The following CNGB1 variants were observed in gnomAD, a reference collection of about 807,000 sequenced individuals.
The protein encoded by CNGB1 is cyclic nucleotide gated channel subunit beta 1, also known as cyclic nucleotide-gated channel beta-1.
In CNGB1, 126 loss-of-function variants were observed where a neutral mutation model predicts 151.7. The observed-to-expected ratio is 0.83, with a 90% CI of 0.72 to 0.96. CNGB1 has a LOEUF of 0.96. Ranked by LOEUF, CNGB1 falls within the 40% of genes least tolerant of loss-of-function variation. The pLI is 0.00. For synonymous variants in CNGB1, 623 were observed against 635.1 expected, an observed-to-expected ratio of 0.98 and a Z score of 0.29; for missense variants, 1,698 against 1,627.0, an observed-to-expected ratio of 1.04 and a Z score of -0.75.
chr16:57,956,172 C>T (rs1368840474), intron 12 of CNGB1, among the ~76,000 whole-genome samples: 3 of 152,300 alleles, frequency 2.0e-5, no homozygotes, highest in Non-Finnish European at 4.4e-5. Context: ...CCCAAGGAAA[C>T]GTTTTTAGTT....
intron 9 of CNGB1, 124 bp from the exon 10 acceptor site, chr16:57,960,189 C>G (rs1168462299): frequency 2.0e-6 from 3 of 1,478,668 alleles, no homozygotes; most frequent in Non-Finnish European, 2.7e-6. Context: ...TTGGGACCAC[C>G]TCACCCATCC....
intron 12 of CNGB1, chr16:57,955,003 C>T: frequency 8.8e-7 from 1 of 1,138,420 alleles, no homozygotes; most frequent in Non-Finnish European, 1.1e-6. Context: ...CCTGCCTCAG[C>T]CTCCCAAAGT....
At chr16:57,894,552 G>A (rs1228153515) in intron 31 of CNGB1, among the ~76,000 whole-genome samples, 1 of 152,186 alleles carries the variant, frequency 6.6e-6, no homozygotes, top group East Asian at 1.9e-4. Flanking sequence ...AGTGAGCCAA[G>A]ACCTAACCAC....
chr16:57,931,355 A>G (rs761135374), intron 17 of CNGB1, among the ~76,000 whole-genome samples: 4 of 151,998 alleles, frequency 2.6e-5, no homozygotes, highest in Admixed American at 1.3e-4. Context: ...GGGTTTCGCT[A>G]TGTTGGCCAG....
chr16:57,923,235 CAGT>C, intron 18 of CNGB1, 35 bp downstream of exon 18: 2 of 1,463,124 alleles, frequency 1.4e-6, no homozygotes, highest in South Asian at 2.3e-5. Context: ...ACCCTCCCCG[CAGT>C]CTTTCAATTT....
chr16:57,934,135 A>T (rs1961440742), intron 16 of CNGB1, among the ~76,000 whole-genome samples: 1 of 151,552 alleles, frequency 6.6e-6, no homozygotes, highest in African/African-American at 2.4e-5. Flanking sequence ...GGAGAAGAGG[A>T]TGAGCAGGAA....
At chr16:57,939,633 C>A in intron 15 of CNGB1, 41 bp from the exon 16 acceptor site, 1 of 1,613,108 alleles carries the variant, frequency 6.2e-7, no homozygotes, top group Non-Finnish European at 8.5e-7. Context: ...TGACCATCAG[C>A]CCCCAGCCCT....
intron 26 of CNGB1, 22 bp downstream of exon 26, chr16:57,904,712 A>G (rs1960493120): frequency 1.2e-6 from 2 of 1,613,784 alleles, no homozygotes; most frequent in Non-Finnish European, 1.7e-6. Flanking sequence ...TGGGGTGGGA[A>G]GCTGGGCTGG....
At chr16:57,966,301 A>C (rs1199265592) in intron 2 of CNGB1, among the ~76,000 whole-genome samples, 1 of 152,202 alleles carries the variant, frequency 6.6e-6, no homozygotes, top group Non-Finnish European at 1.5e-5. Context: ...TTGTCTGCTG[A>C]GTCCCCGGGG....
intron 17 of CNGB1, among the ~76,000 whole-genome samples, chr16:57,928,794 T>G (rs1294392719): frequency 6.6e-6 from 1 of 152,182 alleles, no homozygotes; most frequent in Non-Finnish European, 1.5e-5. Context: ...TGTGCCACCA[T>G]GCCCAGCTAA....
intron 12 of CNGB1, chr16:57,955,293 T>A (rs1461976280): frequency 3.2e-6 from 5 of 1,551,406 alleles, no homozygotes; most frequent in Non-Finnish European, 4.4e-6. Context: ...CCTTCTTTCC[T>A]TCCATCCATG....
chr16:57,887,999 T>A lies in CNGB1; in HGVS notation c.3318A>T (p.Pro1106=). 6.2e-7 allele frequency: 1 copy of A among 1,614,232 alleles called. No individual in the cohort carries two copies. The highest frequency in any genetic ancestry group is 8.5e-7 in the Non-Finnish European group (1 of 1,180,048). ...VLILPPRAGT[P]KLFNAALAMT... The stretch of plus-strand genomic sequence containing the variant: ...TAGCGAGGGCAGCGTTGAAGAGCTT[T>A]GGGGTGCCCGCCCGGGGTGGAAGGA... The change falls in exon 32 of 33, where the codon CCA becomes CCT. Residue 1106 remains proline (P), a synonymous_variant. Transcript: ENST00000251102.
intron 20 of CNGB1, among the ~76,000 whole-genome samples, chr16:57,917,996 A>G (rs1181748715): frequency 6.6e-6 from 1 of 152,022 alleles, no homozygotes; most frequent in Non-Finnish European, 1.5e-5. Context: ...ATAGTAAATA[A>G]TGCATGAAGG....
At chr16:57,944,112 T>G (rs1455601217) in intron 14 of CNGB1, among the ~76,000 whole-genome samples, 5 of 152,160 alleles carry the variant, frequency 3.3e-5, no homozygotes, top group Non-Finnish European at 7.3e-5. Flanking sequence ...GGTCTTGAAC[T>G]CCTGACCTCA....
At position 57,884,146 on chromosome 16, in the gene CNGB1, G is replaced by C. The variant is rs756653795; in HGVS notation, c.*18C>G. 7 of 1,613,828 alleles carry C rather than the reference G, an allele frequency of 4.3e-6. No individual in the cohort carries two copies. In the African/African-American group the frequency reaches 5.3e-5, roughly 12 times the overall value. Reference sequence around the variant, plus strand: ...ACACACCTGCTGGAACTGCGCGCGGGATCCGCCTCACCCCACCTTACTCCG... The same window carrying C: ...ACACACCTGCTGGAACTGCGCGCGGCATCCGCCTCACCCCACCTTACTCCG... On this transcript the variant is annotated 3_prime_UTR_variant, in exon 33 of 33. Coordinates refer to ENST00000251102, the MANE Select transcript of CNGB1 (RefSeq NM_001297.5).
At chr16:57,908,349 T>C (rs1960613040) in intron 25 of CNGB1, among the ~76,000 whole-genome samples, 1 of 152,220 alleles carries the variant, frequency 6.6e-6, no homozygotes, top group Non-Finnish European at 1.5e-5. Context: ...GACGCAAGCA[T>C]CCCACCTGTT....
intron 10 of CNGB1, 73 bp downstream of exon 10, chr16:57,959,815 G>C: frequency 7.1e-7 from 1 of 1,413,104 alleles, no homozygotes; most frequent in Non-Finnish European, 9.3e-7. Flanking sequence ...GTTTCCAGGA[G>C]GTTGGGTGTT....
intron 29 of CNGB1, among the ~76,000 whole-genome samples, chr16:57,899,285 A>G (rs1960319195): frequency 6.6e-6 from 1 of 152,130 alleles, no homozygotes; most frequent in African/African-American, 2.4e-5. Context: ...GCTACCTGTG[A>G]GTCACATGTG....
rs1388526425 is a variant in CNGB1 at position 57,904,113 on chromosome 16, TA to T, written c.2635-133del. 9 of 722,564 alleles carry T rather than the reference TA, an allele frequency of 1.2e-5. No homozygotes were observed. The African/African-American group carries it at 1.6e-4, about 13-fold the overall frequency. 44.8% of individuals were successfully genotyped at this position (722,564 alleles called of 1,614,324 possible). A position where few individuals can be genotyped will look rare whatever the true frequency, so the allele number is the denominator to read the frequency against. ...TCCTGGCAGGGCGTTGGGAGGGGGG[TA>T]GGCAGATGTCCTCACACAGAGAAAG... On this transcript the variant is annotated intron_variant, in intron 26 of 32. Coordinates refer to ENST00000251102, the MANE Select transcript of CNGB1 (RefSeq NM_001297.5).
Sources: allele counts gnomAD v4.1 joint callset (sites outside exome capture counted in the v4.1 genomes callset), GRCh38; gene constraint gnomAD v4.1.1; transcripts MANE v1.5; gene names NCBI Gene and HGNC (gene_info 2026-07-23, HGNC 2026-07-21).